The following FAM177B variants were observed in gnomAD, a reference collection of about 807,000 sequenced individuals.
FAM177B encodes the protein family with sequence similarity 177 member B.
In FAM177B, 16 loss-of-function variants were observed where a neutral mutation model predicts 16.1. The ratio of observed to expected loss-of-function variants is 0.99; its 90% CI spans 0.67 to 1.51. FAM177B has a LOEUF of 1.51. FAM177B is among the 40% of genes most tolerant of loss of function. The probability of loss-of-function intolerance (pLI) is 0.00; values close to 1 mark genes in which losing one functional copy is unlikely to be tolerated. For missense variants in FAM177B, 178 were observed against 183.7 expected (o/e 0.97, Z 0.18); for synonymous variants, 56 against 59.9 (o/e 0.93, Z 0.30).
chr1:222,746,646 T>C lies in FAM177B; in HGVS notation c.101T>C (p.Met34Thr), dbSNP rs1658810433. ...RIIHFVDGDI[M>T]EEYSTEEEEE... ...ATCCATTTTGTTGACGGAGACATCA[T>C]GGAAGAATATAGCACAGAGGAGGAG... is the stretch of plus-strand genomic sequence containing the variant. Residue 34 changes from methionine to threonine, a missense_variant, in exon 3 of 6, where the codon ATG becomes ACG. Coordinates refer to ENST00000445590, the MANE Select transcript of FAM177B (RefSeq NM_001394345.1). 1 of 1,613,540 alleles carries C rather than the reference T, an allele frequency of 6.2e-7. No homozygotes were observed. Among genetic ancestry groups the C allele is most frequent in the Non-Finnish European group, 8.5e-7 (1 of 1,179,638 alleles).
intron 2 of FAM177B, among the ~76,000 whole-genome samples, chr1:222,744,996 T>C (rs985314605): frequency 6.6e-6 from 1 of 152,200 alleles, no homozygotes; most frequent in Admixed American, 6.5e-5. Context: ...TCTACTATAA[T>C]TTTGCCTTTT....
At chr1:222,740,900 C>T (rs547127724) in intron 2 of FAM177B, among the ~76,000 whole-genome samples, 3 of 152,080 alleles carry the variant, frequency 2.0e-5, no homozygotes, top group Non-Finnish European at 2.9e-5. Context: ...GGGGTTTCAC[C>T]GTGTTAGCCA....
chr1:222,747,153 G>T, intron 4 of FAM177B, 72 bp downstream of exon 4: 1 of 1,041,208 alleles, frequency 9.6e-7, no homozygotes, highest in Non-Finnish European at 1.5e-6. Context: ...AGAGTATGTG[G>T]GACTTCCAAT....
chr1:222,745,168 A>T (rs369250983), intron 2 of FAM177B, among the ~76,000 whole-genome samples: 2 of 152,222 alleles, frequency 1.3e-5, no homozygotes, highest in Non-Finnish European at 2.9e-5. Flanking sequence ...TTGTTTATCC[A>T]TCGTCAGTGG....
At chr1:222,746,743 G>C (rs372627601) in intron 3 of FAM177B, 24 bp downstream of exon 3, 1 of 1,570,056 alleles carries the variant, frequency 6.4e-7, no homozygotes, top group Admixed American at 1.8e-5. Context: ...ATCAATATTA[G>C]GGAACATGGT....
Position 222,739,285 on chromosome 1 carries a change from T to C in FAM177B, c.-16+1264T>C, listed in dbSNP as rs139390783. Among the ~76,000 whole-genome samples the C allele has an allele frequency of 1.5e-3, 228 of 152,234 alleles. 6 individuals are homozygous for C. In the South Asian group the frequency reaches 0.021, roughly 14 times the overall value. On this transcript the variant is annotated intron_variant, in intron 2 of 5. Transcript: ENST00000445590. ...AGAAAGTAGAAAGCAAGAAAGCCTC[T>C]TGGAAAAAAAATAGACAAGATGTCT...
chr1:222,737,592 T>C (rs2125055765), intron 1 of FAM177B, among the ~76,000 whole-genome samples: 1 of 152,202 alleles, frequency 6.6e-6, no homozygotes, highest in South Asian at 2.1e-4. Context: ...GGGAGAGTAG[T>C]ACAAGATGGC....
chr1:222,746,459 C>T, intron 2 of FAM177B, 72 bp from the exon 3 acceptor site: 2 of 785,766 alleles, frequency 2.5e-6, no homozygotes, highest in Non-Finnish European at 4.1e-6. Flanking sequence ...TCTTTACTAT[C>T]CATTGAAAAT....
intron 2 of FAM177B, among the ~76,000 whole-genome samples, chr1:222,741,272 C>T (rs1346557200): frequency 6.6e-6 from 1 of 151,616 alleles, no homozygotes; most frequent in African/African-American, 2.4e-5. Flanking sequence ...CCATGTTGGC[C>T]AGGATGATAT....
At chr1:222,741,598 G>A (rs371197123) in intron 2 of FAM177B, among the ~76,000 whole-genome samples, 47 of 150,446 alleles carry the variant, frequency 3.1e-4, no homozygotes, top group Admixed American at 9.3e-4. Context: ...CACAATCGCT[G>A]CTCATTGCAA....
chr1:222,746,756 G>T, intron 3 of FAM177B, 37 bp downstream of exon 3: 1 of 1,498,824 alleles, frequency 6.7e-7, no homozygotes, highest in Non-Finnish European at 9.1e-7. Context: ...AACATGGTGG[G>T]GGAGGCGGTG....
intron 3 of FAM177B, 73 bp downstream of exon 3, chr1:222,746,792 A>G (rs1373386752): frequency 2.3e-6 from 3 of 1,297,176 alleles, no homozygotes; most frequent in Non-Finnish European, 3.2e-6. Flanking sequence ...GAGCCAGACA[A>G]GGTTTATAGA....
At chr1:222,749,439 A>G (rs2125066379) in intron 4 of FAM177B, 26 bp from the exon 5 acceptor site, 1 of 1,373,454 alleles carries the variant, frequency 7.3e-7, no homozygotes, top group Non-Finnish European at 1.0e-6. Flanking sequence ...AATTCAGTTT[A>G]CGCAAGTGCT....
chr1:222,747,846 T>C (rs997220540), intron 4 of FAM177B, among the ~76,000 whole-genome samples: 3 of 152,250 alleles, frequency 2.0e-5, no homozygotes, highest in African/African-American at 7.2e-5. Context: ...ATGACAAGTC[T>C]CTGCTTTCAA....
At chr1:222,742,714 A>G (rs1411282247) in intron 2 of FAM177B, 1 of 152,156 alleles carries the variant, frequency 6.6e-6, no homozygotes. Flanking sequence ...TCTGTCAACC[A>G]TCAAAAGAAA....
At chr1:222,745,081 G>A (rs973855820) in intron 2 of FAM177B, among the ~76,000 whole-genome samples, 13 of 152,306 alleles carry the variant, frequency 8.5e-5, no homozygotes, top group South Asian at 2.1e-4. Flanking sequence ...ACATTTGAGA[G>A]TCACAGTGTT....
At chr1:222,749,782 T>C in intron 5 of FAM177B, 139 bp from the exon 6 acceptor site, 1 of 947,796 alleles carries the variant, frequency 1.1e-6, no homozygotes, top group Admixed American at 2.1e-5. Context: ...ATGAGCTGTG[T>C]TGTAGAAGAA....
intron 3 of FAM177B, 34 bp from the exon 4 acceptor site, chr1:222,746,981 T>C: frequency 7.1e-7 from 1 of 1,409,240 alleles, no homozygotes. Context: ...ATTCCTCTTA[T>C]TAACTACTCT....
chr1:222,750,095 A>G lies in FAM177B; in HGVS notation c.*37A>G. On this transcript the variant is annotated 3_prime_UTR_variant, in exon 6 of 6. Transcript: ENST00000445590. ...CAGGGAGGGTCTGGTGGCAGATCCT[A>G]GCTCATGATGGCAGCAAAGACTGCA... The G allele has an allele frequency of 6.3e-7, 1 of 1,598,650 alleles. No individual in the cohort carries two copies.
Sources: allele counts gnomAD v4.1 joint callset (sites outside exome capture counted in the v4.1 genomes callset), GRCh38; gene constraint gnomAD v4.1.1; transcripts MANE v1.5; gene names NCBI Gene and HGNC (gene_info 2026-07-23, HGNC 2026-07-21).